The following PRPSAP2 variants were observed in gnomAD, a reference collection of about 807,000 sequenced individuals.
The protein encoded by PRPSAP2 is phosphoribosyl pyrophosphate synthase-associated protein 2.
A neutral mutation model predicts 40.6 loss-of-function variants in PRPSAP2; 24 were observed. The observed-to-expected ratio is 0.59, with a 90% confidence interval of 0.43 to 0.83. The LOEUF (loss-of-function observed/expected upper bound fraction) is 0.83, where lower values mean the gene tolerates loss of function less well. Ranked by LOEUF, PRPSAP2 falls within the 40% of genes least tolerant of loss-of-function variation. PRPSAP2 has a pLI of 0.00. For missense variants in PRPSAP2, 292 were observed against 465.6 expected (o/e 0.63, Z 3.43); for synonymous variants, 149 against 164.7 (o/e 0.90, Z 0.73).
At chr17:18,890,200 G>A (rs113179319) in intron 8 of PRPSAP2, among the ~76,000 whole-genome samples, 1 of 149,816 alleles carries the variant, frequency 6.7e-6, no homozygotes, top group South Asian at 2.1e-4. Context: ...ATGGAGTTTC[G>A]CTCTTGTTGC....
At chr17:18,902,214 CAG>C (rs1254055797) in intron 8 of PRPSAP2, among the ~76,000 whole-genome samples, 1 of 152,148 alleles carries the variant, frequency 6.6e-6, no homozygotes, top group Non-Finnish European at 1.5e-5. Context: ...CACCTGTTCA[CAG>C]AGGGATGGAT....
chr17:18,864,296 GTTTT>G (rs1026997734), intron 1 of PRPSAP2, among the ~76,000 whole-genome samples: 2 of 145,452 alleles, frequency 1.4e-5, no homozygotes, highest in African/African-American at 5.0e-5. Context: ...CATGTTTCAG[GTTTT>G]TTTTTTTTTC....
chr17:18,882,226 T>C lies in PRPSAP2; in HGVS notation c.413-342T>C, dbSNP rs116123231. Among the ~76,000 whole-genome samples the C allele has an allele frequency of 2.0e-3, 302 of 152,176 alleles. 1 individual carries two copies. Among genetic ancestry groups the C allele is most frequent in the African/African-American group, 6.7e-3 (280 of 41,540 alleles). On this transcript the variant is annotated intron_variant, in intron 6 of 11. Coordinates refer to ENST00000268835, the MANE Select transcript of PRPSAP2 (RefSeq NM_002767.4). ...CAGTGCAACTTGTTTTTAAACTGTT[T>C]ATAGGCTGGGTGCAGTGGCTCATGC...
chr17:18,892,593 CTTT>C (rs950601250), intron 8 of PRPSAP2, among the ~76,000 whole-genome samples: 1 of 131,204 alleles, frequency 7.6e-6, no homozygotes. Flanking sequence ...TGTTGAGTAT[CTTT>C]TTTTTTTTTT....
chr17:18,907,447 G>T (rs1438747195), intron 8 of PRPSAP2, among the ~76,000 whole-genome samples: 1 of 152,182 alleles, frequency 6.6e-6, no homozygotes, highest in Non-Finnish European at 1.5e-5. Context: ...TATCCATAAT[G>T]ATAGTGATTC....
intron 11 of PRPSAP2, 22 bp from the exon 12 acceptor site, chr17:18,930,518 T>C: frequency 6.2e-7 from 1 of 1,601,508 alleles, no homozygotes; most frequent in Non-Finnish European, 8.5e-7. Context: ...GATGCTGTGG[T>C]TTTTTTTCTT....
rs930412052 is a variant in PRPSAP2, at chr17:18,870,710, G to A, written c.173-1873G>A. 1.3e-4 allele frequency among the ~76,000 whole-genome samples: 19 copies of A among 151,864 alleles called. 1 individual carries two copies. Among genetic ancestry groups the A allele is most frequent in the Admixed American group, 1.1e-3 (17 of 15,242 alleles). ...TGTAATCCTAGCTACTTGGGAGGCT[G>A]AGGCAGGAAGATCACTTGAGTCCGG... is the stretch of plus-strand genomic sequence containing the variant. On this transcript the variant is annotated intron_variant, in intron 4 of 11. Transcript: ENST00000268835.
chr17:18,924,030 A>C, intron 10 of PRPSAP2, 46 bp downstream of exon 10: 1 of 1,529,804 alleles, frequency 6.5e-7, no homozygotes, highest in Non-Finnish European at 9.0e-7. Context: ...TGCCATTGTT[A>C]TTCTGTTGAT....
chr17:18,895,542 C>T (rs1268624666), intron 8 of PRPSAP2, among the ~76,000 whole-genome samples: 1 of 151,128 alleles, frequency 6.6e-6, no homozygotes, highest in African/African-American at 2.4e-5. Flanking sequence ...TTTCTGTTGA[C>T]TGCTTTTTTA....
chr17:18,908,718 C>T, intron 8 of PRPSAP2: 1 of 725,396 alleles, frequency 1.4e-6, no homozygotes, highest in Non-Finnish European at 2.5e-6. Context: ...CACAGAAATT[C>T]AAAACAAAGT....
intron 8 of PRPSAP2, among the ~76,000 whole-genome samples, chr17:18,895,357 G>T (rs1467086871): frequency 6.6e-6 from 1 of 151,622 alleles, no homozygotes; most frequent in Non-Finnish European, 1.5e-5. Flanking sequence ...GGGATTGCAG[G>T]CATGAGCCAT....
At position 18,923,928 on chromosome 17, in the gene PRPSAP2, GA is replaced by G; in HGVS notation, c.752del (p.Lys251SerfsTer35). ...ATTCCAACCAGTGCTGATTCCTAAAGAAAAGCCCCCAATCACGGTTGTGGGT... is the reference window on the plus strand; with the variant it reads ...ATTCCAACCAGTGCTGATTCCTAAAGAAAGCCCCCAATCACGGTTGTGGGT... ...SLEIPMLIPK[E>X]KPPITVVGDV... On this transcript the variant is annotated frameshift_variant, in exon 10 of 12. Transcript: ENST00000268835. LOFTEE classifies it high-confidence loss of function. 1 of 1,613,602 alleles carries G rather than the reference GA, an allele frequency of 6.2e-7. No homozygotes were observed. The highest frequency in any genetic ancestry group is 8.5e-7 in the Non-Finnish European group (1 of 1,179,596).
At chr17:18,880,832 TTTTA>T (rs1214432431) in intron 6 of PRPSAP2, among the ~76,000 whole-genome samples, 3 of 152,234 alleles carry the variant, frequency 2.0e-5, no homozygotes, top group Admixed American at 6.5e-5. Flanking sequence ...TATGACTATT[TTTTA>T]TTTATTTATT....
chr17:18,879,707 G>C lies in PRPSAP2; in HGVS notation c.412+1837G>C, dbSNP rs373442393. On this transcript the variant is annotated intron_variant, in intron 6 of 11. Coordinates refer to ENST00000268835, the MANE Select transcript of PRPSAP2 (RefSeq NM_002767.4). ...GACCTCAGGTGATCCACCTTCCTCA[G>C]CCTCCCAAAGTGTTGGGATTACAGG... 4.6e-4 allele frequency among the ~76,000 whole-genome samples: 70 copies of C among 152,202 alleles called. No individual in the cohort carries two copies. In the East Asian group the frequency reaches 8.0e-3, roughly 17 times the overall value.
intron 3 of PRPSAP2, among the ~76,000 whole-genome samples, chr17:18,867,037 G>A (rs528306496): frequency 2.7e-4 from 41 of 152,184 alleles, no homozygotes; most frequent in Admixed American, 6.5e-4. Context: ...AGTACAGAGT[G>A]TCCAAGGAAG....
intron 7 of PRPSAP2, among the ~76,000 whole-genome samples, chr17:18,886,378 C>T (rs1244030941): frequency 6.0e-5 from 9 of 149,684 alleles, no homozygotes; most frequent in Non-Finnish European, 1.0e-4. Context: ...TTTTTTGAGA[C>T]GGAGTCTCAC....
In PRPSAP2 at chr17:18,906,581, C is replaced by G. The variant is rs181946966; in HGVS notation, c.585-4522C>G. ...TGTTGCCCAGGCTGGTCTCAAACCC[C>G]TGGGCTCAAGCCATTCTCCTGCCTT... is the stretch of plus-strand genomic sequence containing the variant. On this transcript the variant is annotated intron_variant, in intron 8 of 11. Coordinates refer to ENST00000268835, the MANE Select transcript of PRPSAP2 (RefSeq NM_002767.4). 2.0e-5 allele frequency among the ~76,000 whole-genome samples: 3 copies of G among 152,118 alleles called. No individual in the cohort carries two copies. In the East Asian group the frequency reaches 5.8e-4, roughly 29 times the overall value.
chr17:18,873,157 CG>C (rs2038016380), intron 5 of PRPSAP2, among the ~76,000 whole-genome samples: 1 of 144,642 alleles, frequency 6.9e-6, no homozygotes, highest in Non-Finnish European at 1.5e-5. Context: ...GTGTTCTTAA[CG>C]GGTGGAAATA....
chr17:18,905,005 TTTTA>T (rs2040491603), intron 8 of PRPSAP2: 1 of 152,116 alleles, frequency 6.6e-6, no homozygotes, highest in African/African-American at 2.4e-5. Flanking sequence ...CAGGTAATAA[TTTTA>T]TTTATTTATT....
Sources: gnomAD v4.1 joint callset for allele counts (sites outside exome capture counted in the v4.1 genomes callset) on GRCh38, gnomAD v4.1.1 for gene constraint, MANE v1.5 for transcripts, NCBI Gene and HGNC (gene_info 2026-07-23, HGNC 2026-07-21) for gene names.